SKAP2: variants seen among roughly 807,000 people sequenced by gnomAD.
The protein encoded by SKAP2 is src kinase-associated phosphoprotein 2.
In SKAP2, 28 loss-of-function variants were observed where a neutral mutation model predicts 54.9. That is an observed-to-expected ratio of 0.51 (90% CI 0.38 to 0.70). The LOEUF is 0.70. Ranked by LOEUF, SKAP2 falls within the 30% of genes least tolerant of loss-of-function variation. The probability of loss-of-function intolerance (pLI) is 0.00; values close to 1 mark genes in which losing one functional copy is unlikely to be tolerated. For synonymous variants in SKAP2, 137 were observed against 134.3 expected (o/e 1.02, Z -0.14); for missense variants, 356 against 424.1 (o/e 0.84, Z 1.41).
At chr7:26,694,517 G>A (rs1786855504) in intron 9 of SKAP2, among the ~76,000 whole-genome samples, 2 of 148,318 alleles carry the variant, frequency 1.3e-5, no homozygotes, top group Non-Finnish European at 3.0e-5. Context: ...TGAGCTAAGT[G>A]CAGAAGAAAA....
chr7:26,864,565 G>C lies in SKAP2; in HGVS notation c.-136C>G, dbSNP rs771487536. On this transcript the variant is annotated 5_prime_UTR_variant, in exon 1 of 13. Coordinates refer to ENST00000345317, the MANE Select transcript of SKAP2 (RefSeq NM_003930.5). ...CGGGGCTACGAGTCGGGACACTGCC[G>C]GGCCGGGGCTCACAACAAGGAAGTC... 4 of 1,426,390 alleles carry C rather than the reference G, an allele frequency of 2.8e-6. No individual in the cohort carries two copies. The highest frequency in any genetic ancestry group is 3.7e-6 in the Non-Finnish European group (4 of 1,090,400). 88.4% of individuals were successfully genotyped at this position (1,426,390 alleles called of 1,614,324 possible).
chr7:26,806,800 C>T (rs1784038703), intron 4 of SKAP2, among the ~76,000 whole-genome samples: 1 of 152,146 alleles, frequency 6.6e-6, no homozygotes, highest in Admixed American at 6.6e-5. Context: ...CCTAACTCTG[C>T]TCAATTCTAT....
intron 4 of SKAP2, among the ~76,000 whole-genome samples, chr7:26,789,234 T>C (rs1254332933): frequency 6.6e-6 from 1 of 152,222 alleles, no homozygotes; most frequent in Non-Finnish European, 1.5e-5. Context: ...TAAAGATTTT[T>C]AGGTTAAAAA....
intron 4 of SKAP2, among the ~76,000 whole-genome samples, chr7:26,764,637 C>A (rs1325026763): frequency 6.6e-6 from 1 of 151,224 alleles, no homozygotes; most frequent in East Asian, 1.9e-4. Flanking sequence ...GTTACATGTA[C>A]AGAATGTGCA....
intron 4 of SKAP2, among the ~76,000 whole-genome samples, chr7:26,797,804 C>G (rs931040587): frequency 4.0e-5 from 6 of 151,854 alleles, no homozygotes; most frequent in African/African-American, 1.2e-4. Context: ...ATTCTGAATT[C>G]TATTATATAA....
chr7:26,711,726 G>A (rs1432559498), intron 9 of SKAP2, among the ~76,000 whole-genome samples: 1 of 152,110 alleles, frequency 6.6e-6, no homozygotes, highest in African/African-American at 2.4e-5. Flanking sequence ...TAGGGGTTGG[G>A]AACTCATAAA....
intron 3 of SKAP2, among the ~76,000 whole-genome samples, chr7:26,844,957 C>T (rs1246405506): frequency 6.6e-6 from 1 of 152,064 alleles, no homozygotes; most frequent in East Asian, 1.9e-4. Context: ...TCCATATAAT[C>T]ATTTAAAATA....
intron 4 of SKAP2, among the ~76,000 whole-genome samples, chr7:26,751,203 T>C (rs1782674546): frequency 6.6e-6 from 1 of 152,136 alleles, no homozygotes; most frequent in Admixed American, 6.5e-5. Flanking sequence ...AACAGGTACA[T>C]AAACAGTTGT....
chr7:26,750,723 T>C (rs967457991), intron 4 of SKAP2, among the ~76,000 whole-genome samples: 1 of 152,188 alleles, frequency 6.6e-6, no homozygotes, highest in Non-Finnish European at 1.5e-5. Context: ...AAAACACATA[T>C]ACACAAACAT....
At chr7:26,778,361 T>C (rs1024719193) in intron 4 of SKAP2, among the ~76,000 whole-genome samples, 1 of 152,114 alleles carries the variant, frequency 6.6e-6, no homozygotes, top group African/African-American at 2.4e-5. Flanking sequence ...AAATAATTTA[T>C]ATAAAGTACT....
At chr7:26,684,906 C>A in intron 10 of SKAP2, 58 bp from the exon 11 acceptor site, 1 of 950,550 alleles carries the variant, frequency 1.1e-6, no homozygotes, top group South Asian at 1.4e-5. Context: ...CCCCTCATTT[C>A]AAAATTAACC....
At position 26,834,472 on chromosome 7, in the gene SKAP2, A is replaced by G. The variant is rs997312112; in HGVS notation, c.307+9558T>C. 2.0e-4 allele frequency among the ~76,000 whole-genome samples: 31 copies of G among 152,364 alleles called. No individual in the cohort carries two copies. In the East Asian group the frequency reaches 5.6e-3, roughly 27 times the overall value. On this transcript the variant is annotated intron_variant, in intron 4 of 12. Transcript: ENST00000345317. ...ACCAGACTAATAAAGAAGAAAAGAG[A>G]GAAGAATCAAATAGACTCAATAAAA...
intron 9 of SKAP2, among the ~76,000 whole-genome samples, chr7:26,699,918 T>G (rs1489435625): frequency 6.6e-6 from 1 of 152,208 alleles, no homozygotes; most frequent in Non-Finnish European, 1.5e-5. Flanking sequence ...AACTGTTGAC[T>G]CATATTGAGC....
intron 4 of SKAP2, among the ~76,000 whole-genome samples, chr7:26,822,715 A>T (rs1347806699): frequency 1.3e-5 from 2 of 149,154 alleles, no homozygotes; most frequent in African/African-American, 5.1e-5. Context: ...CTCTACTAAA[A>T]ATACAAAAAA....
At chr7:26,773,011 G>A (rs956288912) in intron 4 of SKAP2, among the ~76,000 whole-genome samples, 1 of 152,190 alleles carries the variant, frequency 6.6e-6, no homozygotes, top group Non-Finnish European at 1.5e-5. Context: ...TGAAGATCCA[G>A]TCTGTTATCT....
chr7:26,759,010 T>C (rs2127969970), intron 4 of SKAP2, among the ~76,000 whole-genome samples: 1 of 151,738 alleles, frequency 6.6e-6, no homozygotes, highest in East Asian at 1.9e-4. Flanking sequence ...AATTTGTTGA[T>C]ATTACAAAAA....
chr7:26,659,714 A>ATG, the SKAP2 span, among the ~76,000 whole-genome samples: 5 of 151,988 alleles, frequency 3.3e-5, no homozygotes, highest in Non-Finnish European at 5.9e-5. Flanking sequence ...TCCCAGTTAT[A>ATG]TGTGTGTGTG....
chr7:26,845,910 C>T (rs1256705215), intron 3 of SKAP2, among the ~76,000 whole-genome samples: 1 of 151,978 alleles, frequency 6.6e-6, no homozygotes, highest in Non-Finnish European at 1.5e-5. Flanking sequence ...CCAGCCTGGG[C>T]AACAGACCAA....
the SKAP2 span, among the ~76,000 whole-genome samples, chr7:26,659,112 T>C: frequency 6.6e-6 from 1 of 152,208 alleles, no homozygotes. Context: ...ACATAATCTT[T>C]ATTAAAGGAA....
Sources: allele counts gnomAD v4.1 joint callset (sites outside exome capture counted in the v4.1 genomes callset), GRCh38; gene constraint gnomAD v4.1.1; transcripts MANE v1.5; gene names NCBI Gene and HGNC (gene_info 2026-07-23, HGNC 2026-07-21).